Variants in NOS1AP observed in about 807,000 individuals in gnomAD.
NOS1AP encodes the protein carboxyl-terminal PDZ ligand of neuronal nitric oxide synthase protein.
A neutral mutation model predicts 56.2 loss-of-function variants in NOS1AP; 21 were observed. The ratio of observed to expected loss-of-function variants is 0.37; its 90% CI spans 0.26 to 0.54. The LOEUF (loss-of-function observed/expected upper bound fraction) is 0.54. Ranked by LOEUF, NOS1AP falls within the 20% of genes least tolerant of loss-of-function variation. The probability of loss-of-function intolerance (pLI) is 0.84; values close to 1 mark genes in which losing one functional copy is unlikely to be tolerated. For synonymous variants in NOS1AP, 270 were observed against 274.6 expected, an observed-to-expected ratio of 0.98 and a Z score of 0.17; for missense variants, 522 against 657.8, an observed-to-expected ratio of 0.79 and a Z score of 2.26.
chr1:162,098,936 C>T (rs1692311266), intron 1 of NOS1AP, among the ~76,000 whole-genome samples: 1 of 152,118 alleles, frequency 6.6e-6, no homozygotes, highest in Non-Finnish European at 1.5e-5. Flanking sequence ...AGGTTGATTC[C>T]ATGTCTTTGC....
intron 2 of NOS1AP, among the ~76,000 whole-genome samples, chr1:162,214,335 T>A (rs1652473381): frequency 6.6e-6 from 1 of 152,220 alleles, no homozygotes; most frequent in African/African-American, 2.4e-5. Flanking sequence ...TGCCCAGCAC[T>A]ATGCTGCGTG....
At position 162,111,859 on chromosome 1, in the gene NOS1AP, A is replaced by T. The variant is rs907906684; in HGVS notation, c.105+41577A>T. On this transcript the variant is annotated intron_variant, in intron 1 of 9. Coordinates refer to ENST00000361897, the MANE Select transcript of NOS1AP (RefSeq NM_014697.3). ...CAAGCCGGGTTAGTGTTGGAAGAAG[A>T]GTTGGACTAGCTCATCTCTGTGGGC... Among the ~76,000 whole-genome samples, 23 of 152,226 alleles carry T rather than the reference A, an allele frequency of 1.5e-4. 1 individual carries two copies. Among genetic ancestry groups the T allele is most frequent in the Admixed American group, 1.3e-3 (20 of 15,288 alleles).
intron 2 of NOS1AP, among the ~76,000 whole-genome samples, chr1:162,178,003 G>T (rs1571103246): frequency 1.3e-5 from 2 of 152,174 alleles, no homozygotes; most frequent in Non-Finnish European, 2.9e-5. Flanking sequence ...GCTTATTCAT[G>T]CCTTCCTCCT....
chr1:162,314,070 G>A (rs545269639), intron 4 of NOS1AP, among the ~76,000 whole-genome samples: 1 of 152,172 alleles, frequency 6.6e-6, no homozygotes, highest in Non-Finnish European at 1.5e-5. Context: ...TGATTTGCTT[G>A]TTTGCTGCAC....
At chr1:162,275,743 C>T (rs1003088314) in intron 2 of NOS1AP, among the ~76,000 whole-genome samples, 5 of 152,330 alleles carry the variant, frequency 3.3e-5, no homozygotes, top group East Asian at 1.9e-4. Context: ...TCACCTTGCT[C>T]TGCTTTGGAT....
chr1:162,195,731 T>G (rs1161596149), intron 2 of NOS1AP, among the ~76,000 whole-genome samples: 1 of 152,218 alleles, frequency 6.6e-6, no homozygotes, highest in East Asian at 1.9e-4. Flanking sequence ...TTTTCACTTC[T>G]TGTGTTCTTT....
chr1:162,083,285 ATTG>A (rs1691931631), intron 1 of NOS1AP, among the ~76,000 whole-genome samples: 1 of 152,110 alleles, frequency 6.6e-6, no homozygotes. Flanking sequence ...GAAGCATTTT[ATTG>A]TTCTGCGGAG....
At chr1:162,282,537 T>C (rs1408764358) in intron 2 of NOS1AP, among the ~76,000 whole-genome samples, 1 of 152,240 alleles carries the variant, frequency 6.6e-6, no homozygotes, top group Non-Finnish European at 1.5e-5. Context: ...TTTTGTATCT[T>C]ACTGTCTAAA....
chr1:162,366,930 G>T, intron 9 of NOS1AP, 122 bp from the exon 10 acceptor site: 1 of 1,076,670 alleles, frequency 9.3e-7, no homozygotes, highest in Non-Finnish European at 1.4e-6. Flanking sequence ...AAAGCCCGGA[G>T]AGGTGCTGCT....
chr1:162,282,194 A>G (rs914364748), intron 2 of NOS1AP, among the ~76,000 whole-genome samples: 3 of 152,166 alleles, frequency 2.0e-5, no homozygotes, highest in African/African-American at 7.2e-5. Flanking sequence ...ACCACCATCC[A>G]TCTCCAGAAC....
chr1:162,265,489 T>C (rs1442296153), intron 2 of NOS1AP, among the ~76,000 whole-genome samples: 1 of 152,016 alleles, frequency 6.6e-6, no homozygotes, highest in Non-Finnish European at 1.5e-5. Context: ...TTTGGTTTTT[T>C]GTCCTTGTGA....
chr1:162,361,059 G>A, intron 8 of NOS1AP: 1 of 389,240 alleles, frequency 2.6e-6, no homozygotes, highest in South Asian at 1.9e-5. Flanking sequence ...GATGAGGCCA[G>A]AGTGCAGAGC....
intron 1 of NOS1AP, among the ~76,000 whole-genome samples, chr1:162,122,700 G>A (rs1216789144): frequency 2.0e-5 from 3 of 151,944 alleles, no homozygotes; most frequent in African/African-American, 7.2e-5. Context: ...TAGAGATGGG[G>A]TTTCACCATG....
At chr1:162,327,306 T>C (rs2101788400) in intron 4 of NOS1AP, among the ~76,000 whole-genome samples, 2 of 152,316 alleles carry the variant, frequency 1.3e-5, no homozygotes, top group Middle Eastern at 6.8e-3. Flanking sequence ...CTCACTACCA[T>C]GTGTCCAGGC....
At position 162,152,286 on chromosome 1, in the gene NOS1AP, G is replaced by A. The variant is rs924657533; in HGVS notation, c.106-2119G>A. On this transcript the variant is annotated intron_variant, in intron 1 of 9. Transcript: ENST00000361897. ...CTCCCTGTGATGGGTGACCTTTCTC[G>A]GTCCTGTGGCCCTAGCTCTCATGTG... is the stretch of plus-strand genomic sequence containing the variant. Among the ~76,000 whole-genome samples the A allele has an allele frequency of 3.3e-5, 5 of 152,298 alleles. No individual in the cohort carries two copies. The South Asian group carries it at 6.2e-4, about 19-fold the overall frequency.
At chr1:162,251,112 C>T (rs1380956556) in intron 2 of NOS1AP, among the ~76,000 whole-genome samples, 1 of 152,058 alleles carries the variant, frequency 6.6e-6, no homozygotes, top group Non-Finnish European at 1.5e-5. Context: ...CATGAGACCA[C>T]TACCACAAAA....
At chr1:162,264,422 TC>T (rs1654337804) in intron 2 of NOS1AP, among the ~76,000 whole-genome samples, 1 of 2,722 alleles carries the variant, frequency 3.7e-4, no homozygotes, top group African/African-American at 6.1e-4. Context: ...TCCCTTCTCT[TC>T]CCTTCTCTTC....
Position 162,248,348 on chromosome 1 carries a change from A to G in NOS1AP, c.178-38996A>G, listed in dbSNP as rs373707374. On this transcript the variant is annotated intron_variant, in intron 2 of 9. Coordinates refer to ENST00000361897, the MANE Select transcript of NOS1AP (RefSeq NM_014697.3). ...ATAATAATTGATGATATTGACTTTC[A>G]AATTCTGATCTTCTGACTTGATGCC... Among the ~76,000 whole-genome samples the G allele has an allele frequency of 3.2e-3, 484 of 152,296 alleles. 2 individuals carry two copies. Among genetic ancestry groups the G allele is most frequent in the African/African-American group, 0.011 (468 of 41,550 alleles).
chr1:162,311,227 C>T (rs549661453), intron 4 of NOS1AP, among the ~76,000 whole-genome samples: 8 of 152,312 alleles, frequency 5.3e-5, no homozygotes, highest in African/African-American at 1.9e-4. Context: ...GCACATTCCT[C>T]TGTTCTTCTG....
Sources: gnomAD v4.1 joint callset for allele counts (sites outside exome capture counted in the v4.1 genomes callset) on GRCh38, gnomAD v4.1.1 for gene constraint, MANE v1.5 for transcripts, NCBI Gene and HGNC (gene_info 2026-07-23, HGNC 2026-07-21) for gene names.